Variants in KCNH8 observed in about 807,000 individuals in gnomAD.
KCNH8 encodes the protein voltage-gated delayed rectifier potassium channel KCNH8.
In KCNH8, 70 loss-of-function variants were observed where a neutral mutation model predicts 103.6. The observed-to-expected ratio is 0.68, with a 90% CI of 0.56 to 0.82. The LOEUF is 0.82. KCNH8 is among the 40% of genes least tolerant of loss of function. The pLI is 0.00. For missense variants in KCNH8, 1,217 were observed against 1,329.9 expected (o/e 0.92, Z 1.32); for synonymous variants, 498 against 489.4 (o/e 1.02, Z -0.23).
At chr3:19,191,944 C>T (rs184580827) in intron 1 of KCNH8, among the ~76,000 whole-genome samples, 2 of 151,490 alleles carry the variant, frequency 1.3e-5, no homozygotes, top group Non-Finnish European at 3.0e-5. Context: ...CATTTTTAAT[C>T]TTTCTTTTAA....
intron 1 of KCNH8, among the ~76,000 whole-genome samples, chr3:19,212,309 C>T (rs1483037193): frequency 1.3e-5 from 2 of 152,078 alleles, no homozygotes; most frequent in Non-Finnish European, 2.9e-5. Flanking sequence ...GGTTTGAAAC[C>T]CAGACCCACT....
chr3:19,163,922 G>C (rs1370244810), intron 1 of KCNH8, among the ~76,000 whole-genome samples: 1 of 151,946 alleles, frequency 6.6e-6, no homozygotes, highest in Non-Finnish European at 1.5e-5. Flanking sequence ...ACAGTGTATA[G>C]TACCTATAAC....
intron 5 of KCNH8, among the ~76,000 whole-genome samples, chr3:19,365,969 G>A (rs774186459): frequency 2.0e-5 from 3 of 152,082 alleles, no homozygotes; most frequent in Non-Finnish European, 2.9e-5. Flanking sequence ...CACATTTGGA[G>A]TTCTTTTAAG....
intron 2 of KCNH8, among the ~76,000 whole-genome samples, chr3:19,263,758 C>A (rs886710278): frequency 1.3e-5 from 2 of 151,956 alleles, no homozygotes; most frequent in Non-Finnish European, 2.9e-5. Context: ...CAAAATTCTA[C>A]CTCTTGATAA....
chr3:19,348,509 A>C (rs1199463902), intron 5 of KCNH8, among the ~76,000 whole-genome samples: 1 of 152,104 alleles, frequency 6.6e-6, no homozygotes, highest in African/African-American at 2.4e-5. Context: ...TGTTAAGATA[A>C]TTTATCACTA....
At chr3:19,373,821 T>C (rs201672236) in intron 5 of KCNH8, among the ~76,000 whole-genome samples, 7,009 of 152,062 alleles carry the variant, frequency 0.046, 186 homozygotes, top group East Asian at 0.13. Context: ...TTTGTTCTCG[T>C]TGGTTTCAAA....
At chr3:19,161,537 G>A (rs2063234387) in intron 1 of KCNH8, among the ~76,000 whole-genome samples, 1 of 152,144 alleles carries the variant, frequency 6.6e-6, no homozygotes, top group Non-Finnish European at 1.5e-5. Context: ...GTTTCCAGTG[G>A]AAAACCAGTT....
chr3:19,532,062 A>G (rs190911600), intron 15 of KCNH8, among the ~76,000 whole-genome samples: 98 of 152,372 alleles, frequency 6.4e-4, no homozygotes, highest in Middle Eastern at 3.4e-3. Context: ...TTTGAAGAAT[A>G]CAAATCTTTT....
chr3:19,464,019 C>A (rs925992951), intron 11 of KCNH8, among the ~76,000 whole-genome samples: 24 of 152,182 alleles, frequency 1.6e-4, no homozygotes, highest in East Asian at 1.2e-3. Context: ...GTACAATTTC[C>A]TAAGCTAATT....
At chr3:19,171,811 A>T (rs1054188198) in intron 1 of KCNH8, among the ~76,000 whole-genome samples, 1 of 152,216 alleles carries the variant, frequency 6.6e-6, no homozygotes, top group African/African-American at 2.4e-5. Flanking sequence ...AGAAACTGAG[A>T]TTAGTTTTGA....
At position 19,533,594 on chromosome 3, in the gene KCNH8, G is replaced by A. The variant is rs781538297; in HGVS notation, c.2819G>A (p.Gly940Asp). ...AHQPCLHLQT[G>D]GAAYTQAQLC... is the part of the protein sequence containing the mutation. ...CAGCCTTGCCTACACTTGCAAACAGGCGGGGCTGCTTATACCCAAGCACAA... is the reference window on the plus strand; with the variant it reads ...CAGCCTTGCCTACACTTGCAAACAGACGGGGCTGCTTATACCCAAGCACAA... Residue 940 changes from glycine (G) to aspartate (D), a missense_variant, in exon 16 of 16, where the codon GGC (glycine) becomes GAC (aspartate). Gly to Asp is a moderately conservative substitution (Grantham distance 94). Transcript: ENST00000328405. 1.9e-6 allele frequency: 3 copies of A among 1,614,160 alleles called. No homozygotes were observed. Among genetic ancestry groups the A allele is most frequent in the Non-Finnish European group, 2.5e-6 (3 of 1,180,028 alleles).
chr3:19,160,639 T>C (rs1425539916), intron 1 of KCNH8, among the ~76,000 whole-genome samples: 1 of 152,168 alleles, frequency 6.6e-6, no homozygotes, highest in Non-Finnish European at 1.5e-5. Context: ...TTCTGTGAGC[T>C]GAATCCCAAA....
intron 6 of KCNH8, among the ~76,000 whole-genome samples, chr3:19,392,603 A>G (rs955630141): frequency 3.3e-5 from 5 of 151,996 alleles, no homozygotes; most frequent in South Asian, 2.1e-4. Flanking sequence ...ATAACCAAAG[A>G]TGTTTGTCTC....
At chr3:19,208,403 C>T (rs2063737698) in intron 1 of KCNH8, among the ~76,000 whole-genome samples, 1 of 151,738 alleles carries the variant, frequency 6.6e-6, no homozygotes, top group Non-Finnish European at 1.5e-5. Flanking sequence ...TGAGTCTTAC[C>T]AAAGAATAAA....
At chr3:19,518,971 A>G (rs1367919290) in intron 15 of KCNH8, among the ~76,000 whole-genome samples, 1 of 152,038 alleles carries the variant, frequency 6.6e-6, no homozygotes, top group Non-Finnish European at 1.5e-5. Context: ...ACAGAGAAGT[A>G]AGACAGAAAA....
chr3:19,522,241 G>T (rs1575171598), intron 15 of KCNH8, among the ~76,000 whole-genome samples: 1 of 151,906 alleles, frequency 6.6e-6, no homozygotes, highest in East Asian at 1.9e-4. Context: ...GAGGTCTCAT[G>T]ATCTGCAGTT....
Position 19,533,566 on chromosome 3 carries a change from C to T in KCNH8, c.2791C>T (p.His931Tyr). ...SLQTRTSWSA[H>Y]QPCLHLQTGG... ...ACAGACCAGAACGAGCTGGAGTGCA[C>T]ACCAGCCTTGCCTACACTTGCAAAC... Residue 931 changes from histidine to tyrosine, a missense_variant, in exon 16 of 16, where the codon CAC becomes TAC. His to Tyr is a moderately conservative substitution (Grantham distance 83). This residue lies in a region of KCNH8 where 558 missense variants were observed against 495.8 expected (regional missense o/e 1.13). Coordinates refer to ENST00000328405, the MANE Select transcript of KCNH8 (RefSeq NM_144633.3). The T allele has an allele frequency of 1.2e-6, 2 of 1,614,190 alleles. No homozygotes were observed. The highest frequency in any genetic ancestry group is 1.7e-6 in the Non-Finnish European group (2 of 1,180,040).
At chr3:19,301,759 C>A (rs965103335) in intron 3 of KCNH8, among the ~76,000 whole-genome samples, 1 of 152,192 alleles carries the variant, frequency 6.6e-6, no homozygotes, top group Admixed American at 6.5e-5. Context: ...TCAGGTTACA[C>A]ACCCTTCTGT....
chr3:19,534,062 C>T lies in KCNH8; in HGVS notation c.3287C>T (p.Thr1096Ile), dbSNP rs763093101. The stretch of plus-strand genomic sequence containing the variant: ...CTTCCACTGGAAGTTGTCACAAGCA[C>T]AGCAGAAGTGAAAGATAACAAAGCC... ...ENLPLEVVTS[T>I]AEVKDNKAIN... The change falls in exon 16 of 16, where the codon ACA becomes ATA. Residue 1096 changes from threonine (T) to isoleucine (I), a missense_variant. Around this residue, in one of 3 missense-constraint regions of KCNH8, gnomAD observed 558 missense variants for 495.8 expected, o/e 1.13. Coordinates refer to ENST00000328405, the MANE Select transcript of KCNH8 (RefSeq NM_144633.3). 8 of 1,613,922 alleles carry T rather than the reference C, an allele frequency of 5.0e-6. No individual in the cohort carries two copies. In the East Asian group the frequency reaches 1.3e-4, roughly 27 times the overall value.
Sources: gnomAD v4.1 joint callset for allele counts (sites outside exome capture counted in the v4.1 genomes callset) on GRCh38, gnomAD v4.1.1 for gene constraint, gnomAD v4.1.1 regional missense constraint, MANE v1.5 for transcripts, NCBI Gene and HGNC (gene_info 2026-07-23, HGNC 2026-07-21) for gene names.